The following IGF2R variants were observed in gnomAD, a reference collection of about 807,000 sequenced individuals.
IGF2R encodes cation-independent mannose-6-phosphate receptor.
IGF2R carries 91 observed loss-of-function variants against 270.6 expected under a neutral mutation model. That is an observed-to-expected ratio of 0.34 (90% CI 0.28 to 0.40). IGF2R has a LOEUF of 0.40. Among genes scored for constraint, IGF2R ranks in the 10% least tolerant of loss-of-function variants. The probability of loss-of-function intolerance (pLI) is 1.00; values close to 1 mark genes in which losing one functional copy is unlikely to be tolerated. For synonymous variants in IGF2R, 1,316 were observed against 1,258.9 expected, an observed-to-expected ratio of 1.05 and a Z score of -0.96; for missense variants, 2,805 against 3,188.3, an observed-to-expected ratio of 0.88 and a Z score of 2.90.
At chr6:160,033,354 C>T (rs1562350796) in intron 9 of IGF2R, among the ~76,000 whole-genome samples, 1 of 152,228 alleles carries the variant, frequency 6.6e-6, no homozygotes, top group Non-Finnish European at 1.5e-5. Context: ...CCACGCTGAT[C>T]TTGAAGTCCT....
At chr6:160,067,763 G>A (rs987259814) in intron 29 of IGF2R, among the ~76,000 whole-genome samples, 3 of 152,188 alleles carry the variant, frequency 2.0e-5, no homozygotes, top group Non-Finnish European at 2.9e-5. Flanking sequence ...TTTAGCCTGT[G>A]CAGAAAGGTC....
chr6:160,026,076 G>A (rs1049797762), intron 5 of IGF2R, among the ~76,000 whole-genome samples: 8 of 152,168 alleles, frequency 5.3e-5, no homozygotes, highest in African/African-American at 1.9e-4. Context: ...AAAACCTCTT[G>A]GATAGTTTCG....
chr6:159,979,908 A>G (rs1412030119), intron 1 of IGF2R, among the ~76,000 whole-genome samples: 1 of 152,150 alleles, frequency 6.6e-6, no homozygotes, highest in Non-Finnish European at 1.5e-5. Context: ...TGAAAGGCAC[A>G]TGGGCCGGTG....
At chr6:160,017,561 A>G (rs1366711455) in intron 4 of IGF2R, among the ~76,000 whole-genome samples, 1 of 152,252 alleles carries the variant, frequency 6.6e-6, no homozygotes, top group African/African-American at 2.4e-5. Flanking sequence ...ACATATAGCC[A>G]TGAGACTGTA....
intron 46 of IGF2R, among the ~76,000 whole-genome samples, chr6:160,103,543 C>T (rs542710392): frequency 3.9e-5 from 6 of 152,178 alleles, no homozygotes; most frequent in African/African-American, 1.4e-4. Flanking sequence ...TTCCAAAGCC[C>T]ATCTTCTTTC....
In IGF2R at chr6:160,058,165, G is replaced by A. The variant is rs1191328043; in HGVS notation, c.2898+41G>A. 6.0e-6 allele frequency: 8 copies of A among 1,323,934 alleles called. No individual in the cohort carries two copies. In the Admixed American group the frequency reaches 1.3e-4, roughly 22 times the overall value. The allele number at this position is 1,323,934 out of a possible 1,614,324, so 82.0% of individuals were successfully genotyped here. A position where few individuals can be genotyped will look rare whatever the true frequency, so the allele number is the denominator to read the frequency against. On this transcript the variant is annotated intron_variant, in intron 21 of 47. Transcript: ENST00000356956. ...TGCATTTCCAGTTTGCTTTGAAACAGGGGGAGAGTGCATTATTGAAGTCAC... is the reference window on the plus strand; with the variant it reads ...TGCATTTCCAGTTTGCTTTGAAACAAGGGGAGAGTGCATTATTGAAGTCAC...
At chr6:159,979,617 C>A (rs1783748087) in intron 1 of IGF2R, among the ~76,000 whole-genome samples, 1 of 152,110 alleles carries the variant, frequency 6.6e-6, no homozygotes. Flanking sequence ...ATTGGAGAGT[C>A]CGCTGTCACC....
intron 39 of IGF2R, among the ~76,000 whole-genome samples, chr6:160,082,102 C>T (rs968734283): frequency 3.7e-4 from 57 of 152,326 alleles, no homozygotes; most frequent in African/African-American, 1.2e-3. Flanking sequence ...TCTTCTGTCA[C>T]GGCTTCAGCA....
rs371528917 is a variant in IGF2R at position 160,027,288 on chromosome 6, C to T, written c.750C>T (p.Asp250=). Residue 250 remains aspartate, a synonymous_variant, in exon 6 of 48, where the codon GAC becomes GAT. Transcript: ENST00000356956. Reference sequence around the variant, plus strand: ...CGTTTGATGTTGGCCAGCCCCGGGACGGACTGAAGCTGGTGCGCAAGGACA... The same window carrying T: ...CGTTTGATGTTGGCCAGCCCCGGGATGGACTGAAGCTGGTGCGCAAGGACA... ...HQAFDVGQPR[D]GLKLVRKDRL... 59 of 1,613,814 alleles carry T rather than the reference C, an allele frequency of 3.7e-5. No individual in the cohort carries two copies. The highest frequency in any genetic ancestry group is 5.0e-5 in the Admixed American group (3 of 60,002).
chr6:160,078,716 C>T lies in IGF2R; in HGVS notation c.5478+354C>T, dbSNP rs574382511. ...GGTATCCATGGGGACAGGGCCAGCT[C>T]CTGGGTGGCTGAAATCTACAGGGAT... On this transcript the variant is annotated intron_variant, in intron 37 of 47. Transcript: ENST00000356956. Among the ~76,000 whole-genome samples, 3 of 152,308 alleles carry T rather than the reference C, an allele frequency of 2.0e-5. No individual in the cohort carries two copies. The South Asian group carries it at 6.2e-4, about 32-fold the overall frequency.
At chr6:160,021,568 A>G (rs923240722) in intron 4 of IGF2R, among the ~76,000 whole-genome samples, 15 of 151,784 alleles carry the variant, frequency 9.9e-5, no homozygotes, top group Non-Finnish European at 1.5e-5. Context: ...CGTTGTGCAC[A>G]TGTACCCTAA....
chr6:160,013,213 G>A (rs1784365299), intron 4 of IGF2R, among the ~76,000 whole-genome samples: 1 of 151,980 alleles, frequency 6.6e-6, no homozygotes, highest in Admixed American at 6.6e-5. Flanking sequence ...AAAATGAATA[G>A]CAACTTGTTT....
chr6:159,994,909 T>C (rs968538735), intron 2 of IGF2R, among the ~76,000 whole-genome samples: 4 of 152,198 alleles, frequency 2.6e-5, no homozygotes, highest in African/African-American at 4.8e-5. Context: ...GGAATGTATG[T>C]CCTGTGGTTG....
intron 39 of IGF2R, among the ~76,000 whole-genome samples, 198 bp from the exon 40 acceptor site, chr6:160,083,752 C>G (rs8191912): frequency 6.6e-6 from 1 of 152,218 alleles, no homozygotes; most frequent in African/African-American, 2.4e-5. Flanking sequence ...TTTTATACAA[C>G]ACATATTTTT....
rs1384888395 is a variant in IGF2R, at chr6:160,109,132, G to A, written c.*4048G>A. The A allele has an allele frequency of 3.3e-5, 5 of 152,256 alleles. No homozygotes were observed. Among genetic ancestry groups the A allele is most frequent in the African/African-American group, 9.6e-5 (4 of 41,468 alleles). 9.4% of individuals were successfully genotyped at this position (152,256 alleles called of 1,614,324 possible). On this transcript the variant is annotated 3_prime_UTR_variant, in exon 48 of 48. Coordinates refer to ENST00000356956, the MANE Select transcript of IGF2R (RefSeq NM_000876.4). ...TGATAATGTTGTTTTGATGCTCAGT[G>A]TTTGAGGGAAACACAATCTAGTGAA... is the stretch of plus-strand genomic sequence containing the variant.
At chr6:159,974,494 A>C (rs550915025) in intron 1 of IGF2R, among the ~76,000 whole-genome samples, 1 of 152,182 alleles carries the variant, frequency 6.6e-6, no homozygotes, top group South Asian at 2.1e-4. Context: ...CTTGCCTTTA[A>C]ATTTTCTCAG....
At chr6:160,035,581 T>G (rs1777801513) in intron 10 of IGF2R, among the ~76,000 whole-genome samples, 1 of 152,242 alleles carries the variant, frequency 6.6e-6, no homozygotes, top group Non-Finnish European at 1.5e-5. Flanking sequence ...CACCTGCCCC[T>G]GGGATGCCCT....
At chr6:160,058,879 G>A (rs1339129949) in intron 21 of IGF2R, 27 bp from the exon 22 acceptor site, 3 of 1,604,222 alleles carry the variant, frequency 1.9e-6, no homozygotes, top group East Asian at 2.2e-5. Context: ...AAATTTGTTT[G>A]TATGGCTCTT....
At position 160,104,876 on chromosome 6, in the gene IGF2R, C is replaced by T. The variant is rs781647023; in HGVS notation, c.7268C>T (p.Ser2423Leu). 13 of 1,614,012 alleles carry T rather than the reference C, an allele frequency of 8.1e-6. No individual in the cohort carries two copies. Among genetic ancestry groups the T allele is most frequent in the African/African-American group, 5.3e-5 (4 of 74,916 alleles). Residue 2423 changes from serine (S) to leucine (L), a missense_variant, in exon 48 of 48, where the codon TCG becomes TTG. Coordinates refer to ENST00000356956, the MANE Select transcript of IGF2R (RefSeq NM_000876.4). The part of the protein sequence containing the change: ...VLTIPEVKVH[S>L]GRGAGAESSH... ...ACCATCCCAGAGGTGAAAGTTCACT[C>T]GGGCAGGGGAGCTGGGGCAGAGAGC...
Sources: gnomAD v4.1 joint callset for allele counts (sites outside exome capture counted in the v4.1 genomes callset) on GRCh38, gnomAD v4.1.1 for gene constraint, MANE v1.5 for transcripts, NCBI Gene and HGNC (gene_info 2026-07-23, HGNC 2026-07-21) for gene names.